The following TMTC4 variants were observed in gnomAD, a reference collection of about 807,000 sequenced individuals.
The protein encoded by TMTC4 is protein O-mannosyl-transferase TMTC4.
Under a neutral mutation model 86.0 loss-of-function variants are expected in TMTC4, and 65 were observed. The observed-to-expected ratio is 0.76, with a 90% CI of 0.62 to 0.93. TMTC4 has a LOEUF of 0.93. Among genes scored for constraint, TMTC4 ranks in the 40% least tolerant of loss-of-function variants. The pLI is 0.00. For synonymous variants in TMTC4, 379 were observed against 382.5 expected, an observed-to-expected ratio of 0.99 and a Z score of 0.11; for missense variants, 866 against 948.1, an observed-to-expected ratio of 0.91 and a Z score of 1.14.
chr13:100,610,688 T>C (rs1264334550), intron 17 of TMTC4, among the ~76,000 whole-genome samples: 1 of 152,244 alleles, frequency 6.6e-6, no homozygotes, highest in African/African-American at 2.4e-5. Flanking sequence ...CAACATGAAC[T>C]GGAAGCCAAA....
chr13:100,674,901 C>A (rs1335337954), upstream of TMTC4: 3 of 983,852 alleles, frequency 3.0e-6, no homozygotes, highest in Admixed American at 6.2e-5. Context: ...CGCGCGGGCG[C>A]CCCCCAGCAC....
At chr13:100,656,500 C>A in intron 5 of TMTC4, 32 bp from the exon 6 acceptor site, 3 of 1,359,240 alleles carry the variant, frequency 2.2e-6, no homozygotes, top group Admixed American at 2.2e-5. Flanking sequence ...CAAAGAATTA[C>A]ATAAAACACA....
intron 6 of TMTC4, among the ~76,000 whole-genome samples, chr13:100,653,324 C>T (rs1884680026): frequency 6.6e-6 from 1 of 152,178 alleles, no homozygotes; most frequent in Admixed American, 6.5e-5. Context: ...ACTTCACTAG[C>T]CCCGGTTCTG....
At chr13:100,634,654 T>TAAA in intron 12 of TMTC4, 151 bp downstream of exon 12, 1 of 1,004,694 alleles carries the variant, frequency 1.0e-6, no homozygotes. Context: ...TCAAAATCAT[T>TAAA]AAAAAAAACC....
At chr13:100,635,223 T>C (rs997980276) in intron 10 of TMTC4, 28 bp from the exon 11 acceptor site, 1 of 1,518,116 alleles carries the variant, frequency 6.6e-7, no homozygotes, top group Non-Finnish European at 8.8e-7. Context: ...TTTAAATAAA[T>C]GGCTATTTCC....
intron 15 of TMTC4, 35 bp downstream of exon 15, chr13:100,625,500 T>C (rs778377590): frequency 1.2e-6 from 2 of 1,610,482 alleles, no homozygotes; most frequent in Non-Finnish European, 1.7e-6. Flanking sequence ...ATAACCCATC[T>C]TTCCTTCCAC....
chr13:100,638,059 G>T, intron 7 of TMTC4, 37 bp from the exon 8 acceptor site: 1 of 1,552,936 alleles, frequency 6.4e-7, no homozygotes, highest in Non-Finnish European at 8.9e-7. Flanking sequence ...CCACGGGAGA[G>T]CTTGGCTGTG....
chr13:100,615,722 G>A (rs1056122892), intron 15 of TMTC4, among the ~76,000 whole-genome samples: 1 of 152,148 alleles, frequency 6.6e-6, no homozygotes, highest in Admixed American at 6.5e-5. Flanking sequence ...CACAGTGCTG[G>A]GATTACAGGC....
intron 15 of TMTC4, among the ~76,000 whole-genome samples, chr13:100,616,207 T>C (rs2138736842): frequency 6.6e-6 from 1 of 152,168 alleles, no homozygotes; most frequent in East Asian, 1.9e-4. Context: ...TGAATGCATG[T>C]TTTGGTTTTT....
intron 17 of TMTC4, among the ~76,000 whole-genome samples, chr13:100,611,510 G>A (rs9557464): frequency 0.48 from 72,615 of 152,048 alleles, 17,631 homozygotes; most frequent in East Asian, 0.56. Flanking sequence ...GCGTGAACCC[G>A]GGAGGCGGAG....
intron 15 of TMTC4, among the ~76,000 whole-genome samples, chr13:100,623,480 G>A (rs1355050245): frequency 9.9e-5 from 15 of 152,232 alleles, no homozygotes; most frequent in East Asian, 9.7e-4. Flanking sequence ...TGATCCGCCC[G>A]CCTTGGCCTC....
chr13:100,614,187 ATTAAC>A, intron 16 of TMTC4, 124 bp downstream of exon 16: 1 of 725,568 alleles, frequency 1.4e-6, no homozygotes. Flanking sequence ...ATAGAAAATA[ATTAAC>A]TTCACATTAA....
chr13:100,673,909 C>T (rs1057017800), intron 1 of TMTC4: 2 of 489,742 alleles, frequency 4.1e-6, no homozygotes, highest in Non-Finnish European at 5.3e-6. Context: ...TTTCTCAAGA[C>T]ATTCTCCCCA....
chr13:100,662,923 T>G, intron 5 of TMTC4, 41 bp downstream of exon 5: 1 of 1,607,898 alleles, frequency 6.2e-7, no homozygotes, highest in East Asian at 2.2e-5. Context: ...GTCATATCGC[T>G]TCTCACGTGC....
chr13:100,626,816 C>G (rs1880617825), intron 12 of TMTC4, among the ~76,000 whole-genome samples: 1 of 152,150 alleles, frequency 6.6e-6, no homozygotes, highest in Non-Finnish European at 1.5e-5. Context: ...TACTCTGTAT[C>G]TGTAATAAGC....
At chr13:100,659,552 G>A (rs1430732546) in intron 5 of TMTC4, among the ~76,000 whole-genome samples, 3 of 152,060 alleles carry the variant, frequency 2.0e-5, no homozygotes, top group South Asian at 4.1e-4. Flanking sequence ...AGCCACTTCT[G>A]TCCTCAGGGA....
intron 17 of TMTC4, among the ~76,000 whole-genome samples, chr13:100,607,475 C>T (rs1039326747): frequency 1.3e-5 from 2 of 151,746 alleles, no homozygotes; most frequent in Admixed American, 6.6e-5. Context: ...CGAGACTGCG[C>T]CACTGCACTC....
chr13:100,674,283 C>T (rs1486200586), intron 1 of TMTC4: 2 of 979,208 alleles, frequency 2.0e-6, no homozygotes, highest in African/African-American at 1.8e-5. Flanking sequence ...GGGCAGGCGG[C>T]CAAGCGGCCC....
chr13:100,641,926 T>C (rs1883066563), intron 7 of TMTC4, among the ~76,000 whole-genome samples: 1 of 152,218 alleles, frequency 6.6e-6, no homozygotes, highest in East Asian at 1.9e-4. Flanking sequence ...TTTTATCTTT[T>C]TCTACAGGGC....
Sources: allele counts gnomAD v4.1 joint callset (sites outside exome capture counted in the v4.1 genomes callset), GRCh38; gene constraint gnomAD v4.1.1; transcripts MANE v1.5; gene names NCBI Gene and HGNC (gene_info 2026-07-23, HGNC 2026-07-21).